Variants in SLC31A2 observed in about 807,000 individuals in gnomAD.
The protein encoded by SLC31A2 is protein SLC31A2.
Under a neutral mutation model 14.4 loss-of-function variants are expected in SLC31A2, and 16 were observed. The ratio of observed to expected loss-of-function variants is 1.11; its 90% CI spans 0.75 to 1.69. SLC31A2 has a LOEUF of 1.69. Ranked by LOEUF, SLC31A2 falls within the 40% of genes most tolerant of loss-of-function variation. The pLI, the probability that SLC31A2 is intolerant of heterozygous loss-of-function variation, is 0.00. For missense variants in SLC31A2, 140 were observed against 173.9 expected (o/e 0.81, Z 1.10); for synonymous variants, 56 against 68.7 (o/e 0.82, Z 0.91).
chr9:113,153,886 T>C (rs1829900673), intron 1 of SLC31A2, among the ~76,000 whole-genome samples: 1 of 152,284 alleles, frequency 6.6e-6, no homozygotes, highest in East Asian at 1.9e-4. Flanking sequence ...CCCAGGTCTC[T>C]ACCAAACCCC....
chr9:113,154,245 C>T (rs908881563), intron 1 of SLC31A2, among the ~76,000 whole-genome samples: 1 of 152,138 alleles, frequency 6.6e-6, no homozygotes, highest in African/African-American at 2.4e-5. Context: ...AGATGGGAGC[C>T]TGTGAAAGTG....
intron 3 of SLC31A2, chr9:113,161,997 C>G (rs1830021141): frequency 1.0e-5 from 5 of 478,442 alleles, no homozygotes; most frequent in South Asian, 3.8e-5. Flanking sequence ...CCACCCTCCC[C>G]CAAATCTCAC....
At chr9:113,157,855 A>G in intron 2 of SLC31A2, 62 bp downstream of exon 2, 1 of 1,289,232 alleles carries the variant, frequency 7.8e-7, no homozygotes, top group Non-Finnish European at 1.1e-6. Flanking sequence ...GCAAGGGAGA[A>G]TCTGGGTTCT....
intron 1 of SLC31A2, among the ~76,000 whole-genome samples, chr9:113,155,345 A>G (rs1163214953): frequency 6.6e-6 from 1 of 152,244 alleles, no homozygotes; most frequent in African/African-American, 2.4e-5. Flanking sequence ...TCTAGCTAGC[A>G]ACTTGGCAAG....
chr9:113,162,569 C>T lies in SLC31A2; in HGVS notation c.264-180C>T, dbSNP rs565631069. ...GATATGTCTCTTTAAAAATAAATCTCGAGTTTTTTCTGGGGGCGGGGGTGG... is the reference window on the plus strand; with the variant it reads ...GATATGTCTCTTTAAAAATAAATCTTGAGTTTTTTCTGGGGGCGGGGGTGG... On this transcript the variant is annotated intron_variant, in intron 3 of 3. Coordinates refer to ENST00000259392, the MANE Select transcript of SLC31A2 (RefSeq NM_001860.3). 3.7e-5 allele frequency: 17 copies of T among 463,364 alleles called. 1 individual carries two copies. Among genetic ancestry groups the T allele is most frequent in the African/African-American group, 2.0e-4 (7 of 34,280 alleles). 28.7% of individuals were successfully genotyped at this position (463,364 alleles called of 1,614,324 possible).
chr9:113,152,530 C>T (rs934807621), intron 1 of SLC31A2, among the ~76,000 whole-genome samples: 1 of 152,228 alleles, frequency 6.6e-6, no homozygotes, highest in African/African-American at 2.4e-5. Context: ...CAGAACCATC[C>T]TAGCCAACTG....
chr9:113,162,756 TTG>T lies in SLC31A2; in HGVS notation c.275_276del (p.Cys92SerfsTer97). 6.2e-7 allele frequency: 1 copy of T among 1,611,790 alleles called. No individual in the cohort carries two copies. Among genetic ancestry groups the T allele is most frequent in the Non-Finnish European group, 8.5e-7 (1 of 1,178,798 alleles). ...PVGRTHHRWY[L>X]CHFGQSLIHV... ...CTTCTCCTTTTTATCTAGGTGGTATTTGTGTCACTTTGGCCAGTCTCTAATCC... is the reference window on the plus strand; with the variant it reads ...CTTCTCCTTTTTATCTAGGTGGTATTTGTCACTTTGGCCAGTCTCTAATCC... On this transcript the variant is annotated frameshift_variant, in exon 4 of 4. Transcript: ENST00000259392. LOFTEE classifies it high-confidence loss of function.
intron 2 of SLC31A2, among the ~76,000 whole-genome samples, chr9:113,158,673 G>T (rs149819277): frequency 6.6e-6 from 1 of 152,208 alleles, no homozygotes; most frequent in African/African-American, 2.4e-5. Flanking sequence ...GGGCTTCCTC[G>T]TGGCAGAGTG....
rs781745339 is a variant in SLC31A2 at position 113,151,089 on chromosome 9, C to A, written c.6+9C>A. On this transcript the variant is annotated intron_variant, in intron 1 of 3. Coordinates refer to ENST00000259392, the MANE Select transcript of SLC31A2 (RefSeq NM_001860.3). The surrounding 1 kb of genome is among the most constrained non-coding windows in gnomAD (Gnocchi z 4.2). ...GCGCACTCACCATGGCGGTAAGGGC[C>A]GGGCGCTACGGTGAAGAGGGTGGGC... is the stretch of plus-strand genomic sequence containing the variant. 1 of 1,305,368 alleles carries A rather than the reference C, an allele frequency of 7.7e-7. No individual in the cohort carries two copies. The highest frequency in any genetic ancestry group is 3.0e-5 in the South Asian group (1 of 33,626). The allele number at this position is 1,305,368 out of a possible 1,614,324, so 80.9% of individuals were successfully genotyped here.
Position 113,157,746 on chromosome 9 carries a change from A to G in SLC31A2, c.26A>G (p.Asp9Gly). 6.2e-7 allele frequency: 1 copy of G among 1,613,034 alleles called. No homozygotes were observed. Among genetic ancestry groups the G allele is most frequent in the Non-Finnish European group, 8.5e-7 (1 of 1,179,456 alleles). The change falls in exon 2 of 4, where the codon GAT (aspartate) becomes GGT (glycine). Residue 9 changes from aspartate (D) to glycine (G), a missense_variant. Coordinates refer to ENST00000259392, the MANE Select transcript of SLC31A2 (RefSeq NM_001860.3). ...TTTCAGATGCATTTCATCTTCTCAG[A>G]TACAGCGGTGCTTCTGTTTGATTTC... The part of the protein sequence containing the change: MAMHFIFS[D>G]TAVLLFDFWS...
Position 113,151,115 on chromosome 9 carries a change from G to C in SLC31A2, c.6+35G>C, listed in dbSNP as rs1264355850. The C allele has an allele frequency of 7.7e-7, 1 of 1,294,528 alleles. No homozygotes were observed. Among genetic ancestry groups the C allele is most frequent in the Non-Finnish European group, 9.9e-7 (1 of 1,013,524 alleles). 80.2% of individuals were successfully genotyped at this position (1,294,528 alleles called of 1,614,324 possible). A position where few individuals can be genotyped will look rare whatever the true frequency, so the allele number is the denominator to read the frequency against. ...GGGCGCTACGGTGAAGAGGGTGGGC[G>C]GTTGGGGCGGGGTCTCCTGGAGCTG... On this transcript the variant is annotated intron_variant, in intron 1 of 3. Transcript: ENST00000259392. This position sits in a 1 kb window ranked among gnomAD's most constrained non-coding sequence, Gnocchi z 4.2.
At chr9:113,152,987 C>T (rs1194916792) in intron 1 of SLC31A2, among the ~76,000 whole-genome samples, 1 of 152,226 alleles carries the variant, frequency 6.6e-6, no homozygotes, top group Non-Finnish European at 1.5e-5. Context: ...CTACCTCTAC[C>T]TGGCAGAGAT....
At position 113,162,471 on chromosome 9, in the gene SLC31A2, AAGAC is replaced by A. The variant is rs1830029122; in HGVS notation, c.264-274_264-271del. 3 of 302,150 alleles carry A rather than the reference AAGAC, an allele frequency of 9.9e-6. No homozygotes were observed. In the South Asian group the frequency reaches 1.6e-4, roughly 17 times the overall value. 18.7% of individuals were successfully genotyped at this position (302,150 alleles called of 1,614,324 possible). On this transcript the variant is annotated intron_variant, in intron 3 of 3. Coordinates refer to ENST00000259392, the MANE Select transcript of SLC31A2 (RefSeq NM_001860.3). ...TGATTTTCTCTTATTCCTTATCAGAAAGACAGATTATAGATACCCTCATTTTCCC... is the reference window on the plus strand; with the variant it reads ...TGATTTTCTCTTATTCCTTATCAGAAAGATTATAGATACCCTCATTTTCCC...
chr9:113,157,228 G>C (rs1469622037), intron 1 of SLC31A2, among the ~76,000 whole-genome samples: 2 of 152,208 alleles, frequency 1.3e-5, no homozygotes, highest in Admixed American at 1.3e-4. Flanking sequence ...TGAATGAGTA[G>C]GCAGATGTGG....
At chr9:113,161,905 C>A in intron 3 of SLC31A2, 1 of 675,872 alleles carries the variant, frequency 1.5e-6, no homozygotes. Flanking sequence ...GAACAGCCAG[C>A]CACTTGAGAG....
intron 2 of SLC31A2, among the ~76,000 whole-genome samples, chr9:113,159,162 T>C (rs11788084): frequency 0.14 from 20,810 of 151,850 alleles, 1,885 homozygotes; most frequent in Non-Finnish European, 0.19. Flanking sequence ...TGAAATGGAG[T>C]CTCTGTCGCC....
At chr9:113,158,013 G>A (rs1829956524) in intron 2 of SLC31A2, 1 of 629,384 alleles carries the variant, frequency 1.6e-6, no homozygotes, top group Non-Finnish European at 3.0e-6. Flanking sequence ...AAGGCCGAGA[G>A]GCAGGGAGGC....
At chr9:113,154,614 T>C (rs1829910714) in intron 1 of SLC31A2, among the ~76,000 whole-genome samples, 1 of 152,234 alleles carries the variant, frequency 6.6e-6, no homozygotes, top group African/African-American at 2.4e-5. Flanking sequence ...AAGCAGCTGC[T>C]GCTGTCCCTC....
chr9:113,157,864 C>A, intron 2 of SLC31A2, 71 bp downstream of exon 2: 1 of 1,152,244 alleles, frequency 8.7e-7, no homozygotes. Flanking sequence ...AATCTGGGTT[C>A]TCTTGATTCT....
Sources: allele counts gnomAD v4.1 joint callset (sites outside exome capture counted in the v4.1 genomes callset), GRCh38; gene constraint gnomAD v4.1.1; non-coding constraint Gnocchi (gnomAD v3.1); transcripts MANE v1.5; gene names NCBI Gene and HGNC (gene_info 2026-07-23, HGNC 2026-07-21).